The following MTERF4 variants were observed in gnomAD, a reference collection of about 807,000 sequenced individuals.
The protein encoded by MTERF4 is mitochondrial transcription termination factor 4.
In MTERF4, 17 loss-of-function variants were observed where a neutral mutation model predicts 22.5. That is an observed-to-expected ratio of 0.75 (90% CI 0.52 to 1.13). The LOEUF (loss-of-function observed/expected upper bound fraction) is 1.13, where lower values mean the gene tolerates loss of function less well. Ranked by LOEUF, MTERF4 falls within the 50% of genes most tolerant of loss-of-function variation. MTERF4 has a pLI of 0.00. For missense variants in MTERF4, 420 were observed against 466.8 expected (o/e 0.90, Z 0.92); for synonymous variants, 165 against 175.3 (o/e 0.94, Z 0.47).
the MTERF4 span, among the ~76,000 whole-genome samples, chr2:241,043,710 A>G: frequency 1.1e-4 from 16 of 152,362 alleles, no homozygotes; most frequent in East Asian, 2.7e-3. Flanking sequence ...AAGCTGTGCA[A>G]ACTTTTTCTG....
downstream of MTERF4, chr2:241,071,751 C>G: frequency 6.5e-7 from 1 of 1,543,752 alleles, no homozygotes. Context: ...CCCCATCGCC[C>G]GAGGCGGCGC....
chr2:241,076,858 G>C (rs962960741), intron 4 of MTERF4, among the ~76,000 whole-genome samples: 1 of 152,222 alleles, frequency 6.6e-6, no homozygotes, highest in Non-Finnish European at 1.5e-5. Context: ...TTGGGAGGCC[G>C]AGGCGGGCGG....
At chr2:241,094,425 C>G (rs777713504), downstream of MTERF4, 6 of 471,044 alleles carry the variant, frequency 1.3e-5, no homozygotes, top group African/African-American at 1.0e-4. The surrounding 1 kb of genome is among the most constrained non-coding windows in gnomAD (Gnocchi z 4.3). Context: ...CGCTGTAAGA[C>G]GAGGCTGCTG....
downstream of MTERF4, chr2:241,069,014 G>C: frequency 4.5e-6 from 7 of 1,550,010 alleles, no homozygotes; most frequent in Non-Finnish European, 6.1e-6. This position sits in a 1 kb window ranked among gnomAD's most constrained non-coding sequence, Gnocchi z 4.9. Flanking sequence ...GCCGACGCAC[G>C]TGTGGACCCG....
the MTERF4 span, chr2:241,049,962 C>T: frequency 1.5e-5 from 23 of 1,550,922 alleles, no homozygotes; most frequent in East Asian, 2.2e-5. Flanking sequence ...TCCGGGCCGG[C>T]GTCAGCACCC....
chr2:241,068,436 G>A (rs542737318), downstream of MTERF4, among the ~76,000 whole-genome samples: 25 of 152,106 alleles, frequency 1.6e-4, no homozygotes, highest in African/African-American at 4.6e-4. The surrounding 1 kb of genome is among the most constrained non-coding windows in gnomAD (Gnocchi z 5.3). Flanking sequence ...GAAAGCTTCC[G>A]AATCGTGCTC....
intron 2 of MTERF4, among the ~76,000 whole-genome samples, chr2:241,098,346 G>A (rs898218503): frequency 1.3e-5 from 2 of 152,214 alleles, no homozygotes; most frequent in African/African-American, 4.8e-5. Context: ...AAGGAGGCCT[G>A]TAGAGATGCT....
downstream of MTERF4, chr2:241,069,911 C>T: frequency 6.2e-7 from 1 of 1,610,652 alleles, no homozygotes; most frequent in Non-Finnish European, 8.5e-7. This position sits in a 1 kb window ranked among gnomAD's most constrained non-coding sequence, Gnocchi z 4.9. Flanking sequence ...CTGCTCCTGC[C>T]TCATCCAGGG....
Position 241,095,672 on chromosome 2 carries a change from C to A in MTERF4, c.*326G>T. The A allele has an allele frequency of 3.5e-6, 1 of 285,712 alleles. No individual in the cohort carries two copies. Among genetic ancestry groups the A allele is most frequent in the South Asian group, 9.3e-5 (1 of 10,786 alleles). The allele number at this position is 285,712 out of a possible 1,614,324, so 17.7% of individuals were successfully genotyped here. A position where few individuals can be genotyped will look rare whatever the true frequency, so the allele number is the denominator to read the frequency against. The stretch of plus-strand genomic sequence containing the variant: ...CTTCCAACTGTCACGGAATTATCAC[C>A]AACATATTCAAAAGAGAAAAAAATA... On this transcript the variant is annotated 3_prime_UTR_variant, in exon 4 of 4. Transcript: ENST00000391980.
the MTERF4 span, among the ~76,000 whole-genome samples, chr2:241,058,822 C>T: frequency 2.6e-5 from 4 of 152,050 alleles, no homozygotes; most frequent in Non-Finnish European, 5.9e-5. Flanking sequence ...AGGTGGCGGG[C>T]GCCTGTAGTC....
chr2:241,064,078 A>C, the MTERF4 span: 1 of 1,568,698 alleles, frequency 6.4e-7, no homozygotes, highest in Non-Finnish European at 8.6e-7. This position sits in a 1 kb window ranked among gnomAD's most constrained non-coding sequence, Gnocchi z 7.0. Flanking sequence ...GGCGGGGCCT[A>C]CCTGTGCGTC....
the MTERF4 span, among the ~76,000 whole-genome samples, chr2:241,052,717 C>T: frequency 1.5e-3 from 64 of 42,818 alleles, 3 homozygotes; most frequent in Middle Eastern, 0.018. Flanking sequence ...AAGCAGGGTA[C>T]ATGGGATACC....
At position 241,073,406 on chromosome 2, in the gene MTERF4, T is replaced by C; in HGVS notation, n.2756A>G. On this transcript the variant is annotated non_coding_transcript_exon_variant, in exon 5 of 5. Transcript: ENST00000464344. This position sits in a 1 kb window ranked among gnomAD's most constrained non-coding sequence, Gnocchi z 6.6. The stretch of plus-strand genomic sequence containing the variant: ...GGTGGGGACTTTGGGACTGACTGAC[T>C]GCTCTCAGGGGCCTTAGAGGCTGCA... The C allele has an allele frequency of 6.7e-7, 1 of 1,487,882 alleles. No homozygotes were observed. 92.2% of individuals were successfully genotyped at this position (1,487,882 alleles called of 1,614,324 possible).
At chr2:241,046,855 C>A in the MTERF4 span, among the ~76,000 whole-genome samples, 1 of 152,042 alleles carries the variant, frequency 6.6e-6, no homozygotes, top group Admixed American at 6.6e-5. Context: ...CTTTTAAAAA[C>A]CAAAAAGTAG....
the MTERF4 span, among the ~76,000 whole-genome samples, chr2:241,042,693 T>C: frequency 6.6e-6 from 1 of 152,182 alleles, no homozygotes; most frequent in East Asian, 1.9e-4. Flanking sequence ...TAAAAACTTG[T>C]AGAAATGAAA....
chr2:241,089,972 T>A, downstream of MTERF4: 1 of 1,546,386 alleles, frequency 6.5e-7, no homozygotes, highest in East Asian at 2.4e-5. Flanking sequence ...AGATAAAAAA[T>A]GGTATACCTG....
At chr2:241,082,495 G>A, downstream of MTERF4, 1 of 644,004 alleles carries the variant, frequency 1.6e-6, no homozygotes. Context: ...GACTTGCTTT[G>A]ACCATCGATT....
downstream of MTERF4, chr2:241,087,126 A>G (rs2063622521): frequency 2.4e-6 from 1 of 416,706 alleles, no homozygotes; most frequent in Non-Finnish European, 4.2e-6. Flanking sequence ...TTTTAGTACC[A>G]TATCCTTTGT....
chr2:241,065,374 A>G, the MTERF4 span: 36 of 1,613,036 alleles, frequency 2.2e-5, no homozygotes, highest in African/African-American at 3.6e-4. Flanking sequence ...AACCCGCCCA[A>G]TGGTCCAGCC....
Sources: allele counts gnomAD v4.1 joint callset (sites outside exome capture counted in the v4.1 genomes callset), GRCh38; gene constraint gnomAD v4.1.1; non-coding constraint Gnocchi (gnomAD v3.1); transcripts MANE v1.5; gene names NCBI Gene and HGNC (gene_info 2026-07-23, HGNC 2026-07-21).